UNC13D: variants seen among roughly 807,000 people sequenced by gnomAD.
UNC13D encodes protein unc-13 homolog D.
Under a neutral mutation model 151.7 loss-of-function variants are expected in UNC13D, and 115 were observed. That is an observed-to-expected ratio of 0.76 (90% CI 0.65 to 0.88). UNC13D has a LOEUF of 0.88. Ranked by LOEUF, UNC13D falls within the 40% of genes least tolerant of loss-of-function variation. UNC13D has a pLI of 0.00. For synonymous variants in UNC13D, 588 were observed against 612.2 expected (o/e 0.96, Z 0.58); for missense variants, 1,369 against 1,438.7 (o/e 0.95, Z 0.78).
intron 6 of UNC13D, 137 bp from the exon 7 acceptor site, chr17:75,841,138 T>C: frequency 3.0e-6 from 1 of 333,272 alleles, no homozygotes; most frequent in Non-Finnish European, 4.5e-6. Context: ...CGCATCCCTT[T>C]TTTTTTTTTT....
In UNC13D at chr17:75,843,535, G is replaced by A; in HGVS notation, c.118-16C>T. On this transcript the variant is annotated splice_polypyrimidine_tract_variant and intron_variant, in intron 1 of 31. Coordinates refer to ENST00000207549, the MANE Select transcript of UNC13D (RefSeq NM_199242.3). ...GAGGCTGGATCTGCAGAGCAAGGTG[G>A]AAAGGCAGTGTCCCGGGAGGCCCAG... 6.2e-7 allele frequency: 1 copy of A among 1,610,856 alleles called. No individual in the cohort carries two copies. Among genetic ancestry groups the A allele is most frequent in the South Asian group, 1.1e-5 (1 of 90,404 alleles).
chr17:75,837,872 G>A (rs1160004593), intron 12 of UNC13D, among the ~76,000 whole-genome samples: 1 of 152,106 alleles, frequency 6.6e-6, no homozygotes, highest in Non-Finnish European at 1.5e-5. Flanking sequence ...TCACACAAAC[G>A]AGGTCCCGTG....
Position 75,836,646 on chromosome 17 carries a change from G to A in UNC13D, c.1224C>T (p.Ser408=). The A allele has an allele frequency of 1.2e-6, 2 of 1,613,776 alleles. No homozygotes were observed. Among genetic ancestry groups the A allele is most frequent in the Non-Finnish European group, 1.7e-6 (2 of 1,180,016 alleles). The change falls in exon 14 of 32, where the codon TCC becomes TCT. Residue 408 remains serine (S), a synonymous_variant. Transcript: ENST00000207549. ...SFSSLLTYGL[S]LIRRFRSVFP... is the part of the protein sequence containing the mutation. ...AGACAGAGCGGAACCTCCGGATGAG[G>A]GAGAGGCCGTAGGTCAGCAGGGAGC...
Position 75,835,541 on chromosome 17 carries a change from CG to C in UNC13D, c.1728-13del. 1 of 1,599,812 alleles carries C rather than the reference CG, an allele frequency of 6.3e-7. No homozygotes were observed. The highest frequency in any genetic ancestry group is 2.3e-5 in the East Asian group (1 of 43,928). ...CCAGGACTCCATCCCTGGGGATTGC[CG>C]GGGCTCAGCGTCGGGAAGGCTGGGG... On this transcript the variant is annotated splice_polypyrimidine_tract_variant and intron_variant, in intron 19 of 31. Transcript: ENST00000207549.
chr17:75,830,793 G>C (rs1185894167), intron 27 of UNC13D, 132 bp from the exon 28 acceptor site: 1 of 1,171,780 alleles, frequency 8.5e-7, no homozygotes, highest in African/African-American at 1.5e-5. Flanking sequence ...TGGGACAACG[G>C]GCTGGGGCCA....
In UNC13D at chr17:75,833,536, A is replaced by G. The variant is rs1226537524; in HGVS notation, c.2368-491T>C. On this transcript the variant is annotated intron_variant, in intron 24 of 31. Transcript: ENST00000207549. The surrounding 1 kb of genome is among the most constrained non-coding windows in gnomAD (Gnocchi z 4.0). ...GCCTGTGCATAGAGTTAACAGCTAT[A>G]ACTATCACTATAGTTATGGATACTC... is the stretch of plus-strand genomic sequence containing the variant. Among the ~76,000 whole-genome samples, 2 of 152,112 alleles carry G rather than the reference A, an allele frequency of 1.3e-5. No homozygotes were observed. Among genetic ancestry groups the G allele is most frequent in the South Asian group, 4.1e-4 (2 of 4,828 alleles).
Position 75,840,742 on chromosome 17 carries a change from G to A in UNC13D, c.683+20C>T. 6.2e-7 allele frequency: 1 copy of A among 1,613,824 alleles called. No homozygotes were observed. The highest frequency in any genetic ancestry group is 8.5e-7 in the Non-Finnish European group (1 of 1,180,002). ...CAAAAGGAGCCCCAACCCCTTCCCT[G>A]TGAGCCCTGCAACACGAACCTGCGA... On this transcript the variant is annotated intron_variant, in intron 8 of 31. Coordinates refer to ENST00000207549, the MANE Select transcript of UNC13D (RefSeq NM_199242.3). The surrounding 1 kb of genome is among the most constrained non-coding windows in gnomAD (Gnocchi z 4.6).
Position 75,844,276 on chromosome 17 carries a change from A to G in UNC13D, c.62T>C (p.Ile21Thr). 1 of 1,612,778 alleles carries G rather than the reference A, an allele frequency of 6.2e-7. No homozygotes were observed. The highest frequency in any genetic ancestry group is 8.5e-7 in the Non-Finnish European group (1 of 1,179,946). Residue 21 changes from isoleucine to threonine, a missense_variant, in exon 1 of 32, where the codon ATA (isoleucine) becomes ACA (threonine). Coordinates refer to ENST00000207549, the MANE Select transcript of UNC13D (RefSeq NM_199242.3). ...RPPFLRQAIKIRRRRVRDLQD... is the reference protein window; with the variant it reads ...RPPFLRQAIKTRRRRVRDLQD... ...TAGATCTCTGACTCTGCGGCGCCTTATCTTGATGGCCTGGCGCAAGAAGGG... is the reference window on the plus strand; with the variant it reads ...TAGATCTCTGACTCTGCGGCGCCTTGTCTTGATGGCCTGGCGCAAGAAGGG...
At position 75,836,004 on chromosome 17, in the gene UNC13D, C is replaced by G; in HGVS notation, c.1544+8G>C. 1.2e-6 allele frequency: 2 copies of G among 1,614,152 alleles called. No individual in the cohort carries two copies. The highest frequency in any genetic ancestry group is 2.7e-5 in the African/African-American group (2 of 75,074). On this transcript the variant is annotated splice_region_variant and intron_variant, in intron 17 of 31. Coordinates refer to ENST00000207549, the MANE Select transcript of UNC13D (RefSeq NM_199242.3). ...CCCCACTACCTCCCGACCTGGCTAT[C>G]TGCTCACTTGTGGAAGATCTTGTCC...
At position 75,834,330 on chromosome 17, in the gene UNC13D, C is replaced by T. The variant is rs763117746; in HGVS notation, c.2293G>A (p.Glu765Lys). ...EIRTGVRTLA[E>K]QLEVGIAKHI... ...TGTGCGGTCGGACAAGGTACCTGCTCGGCCAGGGTGCGGACGCCAGTGCGG... is the reference window on the plus strand; with the variant it reads ...TGTGCGGTCGGACAAGGTACCTGCTTGGCCAGGGTGCGGACGCCAGTGCGG... The change falls in exon 23 of 32, where the codon GAG becomes AAG. Residue 765 changes from glutamate (E) to lysine (K), a missense_variant. Glu to Lys is a moderately conservative substitution (Grantham distance 56, BLOSUM62 1). Transcript: ENST00000207549. 17 of 1,594,458 alleles carry T rather than the reference C, an allele frequency of 1.1e-5. No homozygotes were observed. The East Asian group carries it at 1.6e-4, about 15-fold the overall frequency.
At position 75,840,834 on chromosome 17, in the gene UNC13D, G is replaced by A. The variant is rs368252536; in HGVS notation, c.615-4C>T. 1.4e-5 allele frequency: 23 copies of A among 1,613,956 alleles called. No homozygotes were observed. Among genetic ancestry groups the A allele is most frequent in the Non-Finnish European group, 1.9e-5 (22 of 1,180,034 alleles). Reference sequence around the variant, plus strand: ...AGACTCCACAGTGTCCAGGTCCCTGGCAGGACAGAGGTTTGAGAAGGAAGC... The same window carrying A: ...AGACTCCACAGTGTCCAGGTCCCTGACAGGACAGAGGTTTGAGAAGGAAGC... On this transcript the variant is annotated splice_region_variant and splice_polypyrimidine_tract_variant and intron_variant, in intron 7 of 31. Transcript: ENST00000207549. This position sits in a 1 kb window ranked among gnomAD's most constrained non-coding sequence, Gnocchi z 4.6.
intron 21 of UNC13D, 33 bp from the exon 22 acceptor site, chr17:75,834,749 A>T (rs534735750): frequency 1.2e-6 from 2 of 1,603,174 alleles, no homozygotes; most frequent in Admixed American, 3.3e-5. Flanking sequence ...GAACTGATCC[A>T]TGGGTGGGGC....
rs747180228 is a variant in UNC13D, at chr17:75,836,639, G to GGA, written c.1229_1230dup (p.Arg411SerfsTer32). ...AGGGGGAAGACAGAGCGGAACCTCC[G>GGA]GATGAGGGAGAGGCCGTAGGTCAGC... On this transcript the variant is annotated frameshift_variant, in exon 14 of 32. Coordinates refer to ENST00000207549, the MANE Select transcript of UNC13D (RefSeq NM_199242.3). LOFTEE classifies it high-confidence loss of function. The GGA allele has an allele frequency of 2.4e-5, 38 of 1,613,710 alleles. No individual in the cohort carries two copies. The highest frequency in any genetic ancestry group is 3.1e-5 in the Non-Finnish European group (37 of 1,180,026).
At chr17:75,838,368 G>A (rs1418970815) in intron 12 of UNC13D, among the ~76,000 whole-genome samples, 3 of 151,940 alleles carry the variant, frequency 2.0e-5, no homozygotes, top group Admixed American at 6.6e-5. Context: ...ACAGACATGC[G>A]CCCCCACACC....
In UNC13D at chr17:75,836,294, A is replaced by G. The variant is rs112501005; in HGVS notation, c.1390-38T>C. 41,415 of 1,613,048 alleles carry G rather than the reference A, an allele frequency of 0.026. 605 individuals carry two copies. Among genetic ancestry groups the G allele is most frequent in the African/African-American group, 0.041 (3,088 of 75,044 alleles). ...AGGCAGTGAGCAGGGAGGGACTGCC[A>G]GGCCCAGGCGCTGGTCTCCCCCATC... is the stretch of plus-strand genomic sequence containing the variant. On this transcript the variant is annotated intron_variant, in intron 15 of 31. Transcript: ENST00000207549.
At position 75,831,115 on chromosome 17, in the gene UNC13D, G is replaced by A. The variant is rs1414292462; in HGVS notation, c.2608C>T (p.His870Tyr). The A allele has an allele frequency of 6.2e-7, 1 of 1,613,958 alleles. No homozygotes were observed. Among genetic ancestry groups the A allele is most frequent in the Non-Finnish European group, 8.5e-7 (1 of 1,180,042 alleles). The change falls in exon 27 of 32, where the codon CAC becomes TAC. Residue 870 changes from histidine (H) to tyrosine (Y), a missense_variant. Around this residue, in one of 3 missense-constraint regions of UNC13D, gnomAD observed 807 missense variants for 795.5 expected, o/e 1.01. Transcript: ENST00000207549. Reference protein sequence around the residue: ...EGCGLPPKALHTATFQALQRD... With the variant: ...EGCGLPPKALYTATFQALQRD... Reference sequence around the variant, plus strand: ...GCCCCTACCTGGAAGGTGGCAGTGTGCAGGGCCTTGGGTGGCAGGCCACAG... The same window carrying A: ...GCCCCTACCTGGAAGGTGGCAGTGTACAGGGCCTTGGGTGGCAGGCCACAG...
At chr17:75,839,560 AGTGTTG>A (rs1000119122) in intron 12 of UNC13D, among the ~76,000 whole-genome samples, 1 of 151,692 alleles carries the variant, frequency 6.6e-6, no homozygotes, top group Non-Finnish European at 1.5e-5. Context: ...TCCGGGCAGG[AGTGTTG>A]GTGTGATCAT....
chr17:75,833,982 G>C lies in UNC13D; in HGVS notation c.2367+93C>G. Reference sequence around the variant, plus strand: ...GGAGAGAACATGCTTTGCCTGGTCTGGGGGACTTATCTTTGACACCAAGGC... The same window carrying C: ...GGAGAGAACATGCTTTGCCTGGTCTCGGGGACTTATCTTTGACACCAAGGC... On this transcript the variant is annotated intron_variant, in intron 24 of 31. Transcript: ENST00000207549. The surrounding 1 kb of genome is among the most constrained non-coding windows in gnomAD (Gnocchi z 4.0). 1 of 1,500,906 alleles carries C rather than the reference G, an allele frequency of 6.7e-7. No individual in the cohort carries two copies. Among genetic ancestry groups the C allele is most frequent in the Non-Finnish European group, 9.2e-7 (1 of 1,082,350 alleles). 93.0% of individuals were successfully genotyped at this position (1,500,906 alleles called of 1,614,324 possible).
intron 27 of UNC13D, 51 bp from the exon 28 acceptor site, chr17:75,830,712 GC>G (rs1392228305): frequency 6.5e-7 from 1 of 1,542,168 alleles, no homozygotes; most frequent in South Asian, 1.2e-5. Context: ...CCCAACCACA[GC>G]CCAGGCCTGC....
Sources: gnomAD v4.1 joint callset for allele counts (sites outside exome capture counted in the v4.1 genomes callset) on GRCh38, gnomAD v4.1.1 for gene constraint, gnomAD v4.1.1 regional missense constraint, Gnocchi (gnomAD v3.1) non-coding constraint, MANE v1.5 for transcripts, NCBI Gene and HGNC (gene_info 2026-07-23, HGNC 2026-07-21) for gene names.